Variants in SHISA9 observed in about 807,000 individuals in gnomAD.
SHISA9 encodes shisa family member 9.
SHISA9 carries 13 observed loss-of-function variants against 38.0 expected under a neutral mutation model. The observed-to-expected ratio is 0.34, with a 90% CI of 0.22 to 0.54. The LOEUF is 0.54. Among genes scored for constraint, SHISA9 ranks in the 20% least tolerant of loss-of-function variants. SHISA9 has a pLI of 0.91. For missense variants in SHISA9, 538 were observed against 575.8 expected, an observed-to-expected ratio of 0.93 and a Z score of 0.67; for synonymous variants, 275 against 242.0, an observed-to-expected ratio of 1.14 and a Z score of -1.27.
chr16:13,049,191 T>G (rs1292069629), intron 2 of SHISA9, among the ~76,000 whole-genome samples: 1 of 150,940 alleles, frequency 6.6e-6, no homozygotes, highest in Non-Finnish European at 1.5e-5. Flanking sequence ...TGTGTGTGTG[T>G]GTGTGTGTGT....
chr16:13,187,325 TTTC>T (rs1412167900), intron 2 of SHISA9, among the ~76,000 whole-genome samples: 15 of 97,858 alleles, frequency 1.5e-4, no homozygotes, highest in African/African-American at 1.2e-4. Flanking sequence ...TTTCTTTTCT[TTTC>T]TTTTTTTTTT....
At chr16:13,293,018 A>C in the SHISA9 span, among the ~76,000 whole-genome samples, 1 of 152,174 alleles carries the variant, frequency 6.6e-6, no homozygotes, top group Non-Finnish European at 1.5e-5. Context: ...GATGAAGCAA[A>C]CAAAACCCAG....
chr16:13,232,403 G>A (rs940187733), intron 4 of SHISA9, among the ~76,000 whole-genome samples: 18 of 152,074 alleles, frequency 1.2e-4, no homozygotes, highest in African/African-American at 3.9e-4. Context: ...TAACCTGCAC[G>A]TTCTGCACAT....
At chr16:13,507,118 C>T in the SHISA9 span, among the ~76,000 whole-genome samples, 1 of 151,962 alleles carries the variant, frequency 6.6e-6, no homozygotes, top group Non-Finnish European at 1.5e-5. Flanking sequence ...GATTGTTTCA[C>T]ACTTACATTT....
At chr16:13,150,116 A>G (rs1423012614) in intron 2 of SHISA9, among the ~76,000 whole-genome samples, 1 of 149,918 alleles carries the variant, frequency 6.7e-6, no homozygotes, top group African/African-American at 2.5e-5. Context: ...TTGACTTCTA[A>G]GGAGGCCCCA....
chr16:12,984,183 T>C (rs1379755483), intron 2 of SHISA9, among the ~76,000 whole-genome samples: 1 of 152,112 alleles, frequency 6.6e-6, no homozygotes, highest in Non-Finnish European at 1.5e-5. Context: ...CATCCCCACC[T>C]CTTTAAGCTT....
chr16:13,542,592 GC>G, the SHISA9 span, among the ~76,000 whole-genome samples: 125,373 of 151,932 alleles, frequency 0.83, 51,947 homozygotes, highest in East Asian at 0.99. Context: ...GAATAAGTAT[GC>G]CCCCCCCTAC....
intron 2 of SHISA9, among the ~76,000 whole-genome samples, chr16:13,013,304 C>T (rs745595976): frequency 6.6e-6 from 1 of 152,178 alleles, no homozygotes; most frequent in Admixed American, 6.5e-5. Context: ...AAATGATGGG[C>T]CCAGAGTCAA....
intron 2 of SHISA9, among the ~76,000 whole-genome samples, chr16:13,136,770 T>G (rs1450891479): frequency 6.6e-6 from 1 of 152,194 alleles, no homozygotes; most frequent in Non-Finnish European, 1.5e-5. Context: ...TTTCTACTGA[T>G]AAGTCCACAC....
At chr16:13,423,002 A>G in the SHISA9 span, among the ~76,000 whole-genome samples, 1 of 152,218 alleles carries the variant, frequency 6.6e-6, no homozygotes, top group Non-Finnish European at 1.5e-5. Context: ...TCCTATCCTA[A>G]TTTTACCACT....
At chr16:13,135,152 A>G (rs578211606) in intron 2 of SHISA9, among the ~76,000 whole-genome samples, 84 of 152,236 alleles carry the variant, frequency 5.5e-4, no homozygotes, top group Non-Finnish European at 1.1e-3. Context: ...AGGGAAGAAC[A>G]GCAAATGTTT....
chr16:13,541,428 A>G, the SHISA9 span, among the ~76,000 whole-genome samples: 11 of 152,182 alleles, frequency 7.2e-5, no homozygotes, highest in Admixed American at 7.2e-4. Context: ...CCTTTGCCTG[A>G]ACCCAGCCTT....
chr16:13,522,907 C>T, the SHISA9 span, among the ~76,000 whole-genome samples: 1 of 152,110 alleles, frequency 6.6e-6, no homozygotes, highest in Non-Finnish European at 1.5e-5. Context: ...TGTTATATTA[C>T]AGGTATGGAC....
the SHISA9 span, among the ~76,000 whole-genome samples, chr16:13,357,013 A>G: frequency 5.3e-5 from 8 of 152,218 alleles, no homozygotes; most frequent in African/African-American, 1.9e-4. Flanking sequence ...AAGGGAGAAG[A>G]AGGAGGAATG....
At position 13,208,905 on chromosome 16, in the gene SHISA9, C is replaced by T. The variant is rs193161484; in HGVS notation, c.848-4348C>T. 2.0e-5 allele frequency among the ~76,000 whole-genome samples: 3 copies of T among 152,194 alleles called. No individual in the cohort carries two copies. The East Asian group carries it at 5.8e-4, about 29-fold the overall frequency. On this transcript the variant is annotated intron_variant, in intron 3 of 4. Coordinates refer to ENST00000558583, the MANE Select transcript of SHISA9 (RefSeq NM_001145204.3). ...CTATTTGTAAAACTAGTGAATAATACCATATGAGAAGCACCTTATCTAGCC... is the reference window on the plus strand; with the variant it reads ...CTATTTGTAAAACTAGTGAATAATATCATATGAGAAGCACCTTATCTAGCC...
intron 2 of SHISA9, among the ~76,000 whole-genome samples, chr16:13,171,371 C>A (rs1433874722): frequency 1.3e-5 from 2 of 151,886 alleles, no homozygotes; most frequent in African/African-American, 4.8e-5. Flanking sequence ...GAAAGCTACA[C>A]ATTAATCAAC....
At chr16:13,045,235 T>G (rs929206798) in intron 2 of SHISA9, among the ~76,000 whole-genome samples, 12 of 152,232 alleles carry the variant, frequency 7.9e-5, no homozygotes, top group Admixed American at 5.9e-4. Flanking sequence ...ACTTACTAAG[T>G]GCTGTTCTAA....
chr16:13,089,359 T>A (rs2073749227), intron 2 of SHISA9, among the ~76,000 whole-genome samples: 2 of 152,302 alleles, frequency 1.3e-5, no homozygotes, highest in East Asian at 3.9e-4. Flanking sequence ...TTGACTGGAG[T>A]ACTTTCCGAA....
chr16:13,501,208 G>A, the SHISA9 span, among the ~76,000 whole-genome samples: 6 of 152,172 alleles, frequency 3.9e-5, no homozygotes, highest in Non-Finnish European at 7.3e-5. Flanking sequence ...AGGGGGAAGT[G>A]CAACTGGCAT....
Sources: allele counts gnomAD v4.1 joint callset (sites outside exome capture counted in the v4.1 genomes callset), GRCh38; gene constraint gnomAD v4.1.1; transcripts MANE v1.5; gene names NCBI Gene and HGNC (gene_info 2026-07-23, HGNC 2026-07-21).